The following GLCE variants were observed in gnomAD, a reference collection of about 807,000 sequenced individuals.
GLCE encodes glucuronic acid epimerase, also known as D-glucuronyl C5-epimerase.
Under a neutral mutation model 47.9 loss-of-function variants are expected in GLCE, and 19 were observed. The ratio of observed to expected loss-of-function variants is 0.40; its 90% CI spans 0.28 to 0.58. The LOEUF (loss-of-function observed/expected upper bound fraction) is 0.58, where lower values mean the gene tolerates loss of function less well. Ranked by LOEUF, GLCE falls within the 20% of genes least tolerant of loss-of-function variation. The pLI, the probability that GLCE is intolerant of heterozygous loss-of-function variation, is 0.48. For synonymous variants in GLCE, 245 were observed against 263.4 expected (o/e 0.93, Z 0.68); for missense variants, 556 against 743.3 (o/e 0.75, Z 2.93).
At chr15:69,254,244 A>G (rs766369126) in intron 2 of GLCE, among the ~76,000 whole-genome samples, 2 of 152,218 alleles carry the variant, frequency 1.3e-5, no homozygotes, top group Admixed American at 6.5e-5. Flanking sequence ...TGTATCATAC[A>G]TTATATGTAT....
chr15:69,233,780 A>G (rs189027175), intron 2 of GLCE, among the ~76,000 whole-genome samples: 52 of 152,292 alleles, frequency 3.4e-4, no homozygotes, highest in African/African-American at 1.2e-3. Flanking sequence ...TTCTTAATCA[A>G]CATTTGCCAC....
chr15:69,161,617 C>G (rs1246250607), intron 1 of GLCE, among the ~76,000 whole-genome samples: 3 of 152,172 alleles, frequency 2.0e-5, no homozygotes, highest in Admixed American at 6.5e-5. Flanking sequence ...GGGCAGCATC[C>G]TGAAACGTTT....
rs117088008 is a variant in GLCE, at chr15:69,262,740, T to A, written c.829+1411T>A. 1.5e-4 allele frequency among the ~76,000 whole-genome samples: 23 copies of A among 152,260 alleles called. No homozygotes were observed. The East Asian group carries it at 2.5e-3, about 17-fold the overall frequency. ...CTACTTCCTAAGATGGTTTTAAGCA[T>A]ATAGAGGAGAGAACTCTGTCTCTAA... On this transcript the variant is annotated intron_variant, in intron 4 of 4. Coordinates refer to ENST00000261858, the MANE Select transcript of GLCE (RefSeq NM_015554.3).
intron 1 of GLCE, among the ~76,000 whole-genome samples, chr15:69,171,951 T>C (rs967656193): frequency 1.3e-5 from 2 of 152,176 alleles, no homozygotes; most frequent in Non-Finnish European, 2.9e-5. Flanking sequence ...GAAGAGATCA[T>C]CTTGATTTTT....
At chr15:69,187,149 T>TA (rs1362703708) in intron 1 of GLCE, among the ~76,000 whole-genome samples, 2 of 152,234 alleles carry the variant, frequency 1.3e-5, no homozygotes, top group Non-Finnish European at 2.9e-5. Flanking sequence ...ATCTCATTAC[T>TA]ATTGGTTTGA....
chr15:69,196,080 T>C (rs955360111), intron 1 of GLCE, among the ~76,000 whole-genome samples: 2 of 152,012 alleles, frequency 1.3e-5, no homozygotes, highest in African/African-American at 4.8e-5. Flanking sequence ...GGAAGGATTG[T>C]GACATTTGAG....
chr15:69,214,159 A>G (rs1335517972), intron 2 of GLCE, among the ~76,000 whole-genome samples: 2 of 152,116 alleles, frequency 1.3e-5, no homozygotes, highest in Non-Finnish European at 2.9e-5. Flanking sequence ...TTTAGAAACC[A>G]GCATCTGGGT....
intron 1 of GLCE, among the ~76,000 whole-genome samples, chr15:69,184,289 C>T (rs764623943): frequency 9.2e-5 from 14 of 152,138 alleles, no homozygotes; most frequent in Non-Finnish European, 1.8e-4. Context: ...GCATGCAATG[C>T]GGAATAATGA....
At chr15:69,265,255 TA>T (rs372785610) in intron 4 of GLCE, among the ~76,000 whole-genome samples, 5 of 146,196 alleles carry the variant, frequency 3.4e-5, no homozygotes, top group South Asian at 2.2e-4. Flanking sequence ...TTTCAAACAA[TA>T]AAAAAAAAAC....
intron 2 of GLCE, among the ~76,000 whole-genome samples, chr15:69,251,036 A>AC (rs895755229): frequency 1.6e-4 from 24 of 152,120 alleles, no homozygotes; most frequent in Non-Finnish European, 2.4e-4. Flanking sequence ...CTCTTAAAAA[A>AC]ACACACACAA....
rs1201776626 is a variant in GLCE, at chr15:69,206,341, A to G, written c.-104-3975A>G. On this transcript the variant is annotated intron_variant, in intron 1 of 4. Transcript: ENST00000261858. ...TTACTTGGCTAAGGTACTGTTTATC[A>G]GATTTCCTCACTGTAAAGTCGATAT... Among the ~76,000 whole-genome samples the G allele has an allele frequency of 2.6e-5, 4 of 152,144 alleles. No individual in the cohort carries two copies. In the East Asian group the frequency reaches 7.8e-4, roughly 29 times the overall value.
At chr15:69,166,812 C>T (rs577829841) in intron 1 of GLCE, among the ~76,000 whole-genome samples, 13 of 138,122 alleles carry the variant, frequency 9.4e-5, no homozygotes, top group Non-Finnish European at 1.8e-4. Flanking sequence ...CCCAGCTATT[C>T]GGGAGGCTGA....
chr15:69,229,960 A>G (rs2052499786), intron 2 of GLCE, among the ~76,000 whole-genome samples: 1 of 152,098 alleles, frequency 6.6e-6, no homozygotes, highest in African/African-American at 2.4e-5. Context: ...ATGTAATTCC[A>G]GCACTTTGGG....
chr15:69,234,304 T>A (rs2052566455), intron 2 of GLCE, among the ~76,000 whole-genome samples: 1 of 152,074 alleles, frequency 6.6e-6, no homozygotes, highest in Admixed American at 6.5e-5. Flanking sequence ...TTTAATTTTT[T>A]TGACCTTATT....
intron 2 of GLCE, among the ~76,000 whole-genome samples, chr15:69,211,578 A>T (rs2052234379): frequency 6.6e-6 from 1 of 151,954 alleles, no homozygotes. Flanking sequence ...AGAAAATAAA[A>T]TTGGAGCCTA....
At position 69,199,969 on chromosome 15, in the gene GLCE, T is replaced by C. The variant is rs571082160; in HGVS notation, c.-104-10347T>C. 7.4e-4 allele frequency among the ~76,000 whole-genome samples: 113 copies of C among 152,268 alleles called. 3 individuals carry two copies. The South Asian group carries it at 0.022, about 29-fold the overall frequency. The stretch of plus-strand genomic sequence containing the variant: ...CCGTTATGATTCCTTAATCACTTAT[T>C]TGGCTGGGTTTTATCAGAGTAGTAA... On this transcript the variant is annotated intron_variant, in intron 1 of 4. Transcript: ENST00000261858.
intron 1 of GLCE, among the ~76,000 whole-genome samples, chr15:69,183,564 C>A (rs754154732): frequency 1.3e-5 from 2 of 152,212 alleles, no homozygotes; most frequent in Non-Finnish European, 2.9e-5. Context: ...TATAGTTCGA[C>A]AATATATAGT....
chr15:69,239,818 C>T (rs532143441), intron 2 of GLCE, among the ~76,000 whole-genome samples: 54 of 152,186 alleles, frequency 3.5e-4, no homozygotes, highest in African/African-American at 1.2e-3. Flanking sequence ...TAATTCTGCC[C>T]TTCCCATACA....
chr15:69,231,322 C>T (rs1595769763), intron 2 of GLCE, among the ~76,000 whole-genome samples: 3 of 147,472 alleles, frequency 2.0e-5, no homozygotes, highest in South Asian at 2.1e-4. Flanking sequence ...CTCGCTCTGT[C>T]GCCCAGGCTG....
Sources: gnomAD v4.1 joint callset for allele counts (sites outside exome capture counted in the v4.1 genomes callset) on GRCh38, gnomAD v4.1.1 for gene constraint, MANE v1.5 for transcripts, NCBI Gene and HGNC (gene_info 2026-07-23, HGNC 2026-07-21) for gene names.